The following ITSN1 variants were observed in gnomAD, a reference collection of about 807,000 sequenced individuals.
ITSN1 encodes the protein intersectin 1, also known as intersectin-1.
Under a neutral mutation model 239.8 loss-of-function variants are expected in ITSN1, and 58 were observed. The ratio of observed to expected loss-of-function variants is 0.24; its 90% CI spans 0.20 to 0.30. The LOEUF (loss-of-function observed/expected upper bound fraction) is 0.30. Ranked by LOEUF, ITSN1 falls within the 10% of genes least tolerant of loss-of-function variation. ITSN1 has a pLI of 1.00. For missense variants in ITSN1, 1,558 were observed against 2,103.3 expected (o/e 0.74, Z 5.07); for synonymous variants, 780 against 770.8 (o/e 1.01, Z -0.20).
intron 31 of ITSN1, among the ~76,000 whole-genome samples, chr21:33,859,557 G>T (rs886365155): frequency 6.6e-6 from 1 of 151,828 alleles, no homozygotes; most frequent in African/African-American, 2.4e-5. Flanking sequence ...TTCCCTGCTG[G>T]GAGGAAGGGC....
chr21:33,850,816 G>T (rs1978291726), intron 29 of ITSN1, among the ~76,000 whole-genome samples: 1 of 152,210 alleles, frequency 6.6e-6, no homozygotes, highest in Admixed American at 6.5e-5. Context: ...GGCCCAGGGT[G>T]TTGAAGGGAG....
chr21:33,719,632 C>T (rs2065368329), intron 2 of ITSN1, among the ~76,000 whole-genome samples: 1 of 152,136 alleles, frequency 6.6e-6, no homozygotes, highest in Non-Finnish European at 1.5e-5. Flanking sequence ...TCCCAAGTCT[C>T]TTAGTGAATT....
chr21:33,821,696 C>T (rs2073686556), intron 24 of ITSN1, among the ~76,000 whole-genome samples: 1 of 152,178 alleles, frequency 6.6e-6, no homozygotes. Context: ...ATATTTTATA[C>T]TGCAATACCA....
intron 29 of ITSN1, among the ~76,000 whole-genome samples, chr21:33,854,229 A>T (rs1008132946): frequency 6.6e-6 from 1 of 152,198 alleles, no homozygotes; most frequent in Admixed American, 6.5e-5. Flanking sequence ...ACATTCAGAA[A>T]ACTGGTCCAG....
chr21:33,834,430 G>A lies in ITSN1; in HGVS notation c.3469+6G>A. The A allele has an allele frequency of 6.3e-7, 1 of 1,589,366 alleles. No homozygotes were observed. Among genetic ancestry groups the A allele is most frequent in the Non-Finnish European group, 8.6e-7 (1 of 1,160,422 alleles). ...GTCAACAGCATTAGCGGCAGGTAAG[G>A]AGTTTCGCATCTCTAACTGGAAGAT... On this transcript the variant is annotated splice_donor_region_variant and intron_variant, in intron 28 of 39. Coordinates refer to ENST00000381318, the MANE Select transcript of ITSN1 (RefSeq NM_003024.3).
intron 7 of ITSN1, among the ~76,000 whole-genome samples, chr21:33,754,028 C>T (rs950992150): frequency 1.3e-5 from 2 of 151,890 alleles, no homozygotes; most frequent in African/African-American, 4.8e-5. Flanking sequence ...TTTAAATTCT[C>T]AGGAATTTGG....
chr21:33,882,545 C>G lies in ITSN1; in HGVS notation c.4554+90C>G. On this transcript the variant is annotated intron_variant, in intron 35 of 39. Transcript: ENST00000381318. This position sits in a 1 kb window ranked among gnomAD's most constrained non-coding sequence, Gnocchi z 4.5. ...AAAGGAGGTAGAGTTTTAGCAGGGT[C>G]AGGGGCTGTGGCATGCAGGAGAAGG... 2 of 1,122,670 alleles carry G rather than the reference C, an allele frequency of 1.8e-6. No homozygotes were observed. Among genetic ancestry groups the G allele is most frequent in the Non-Finnish European group, 2.6e-6 (2 of 778,712 alleles). The allele number at this position is 1,122,670 out of a possible 1,614,324, so 69.5% of individuals were successfully genotyped here.
intron 29 of ITSN1, among the ~76,000 whole-genome samples, chr21:33,841,638 C>G (rs887785168): frequency 2.6e-5 from 4 of 152,216 alleles, no homozygotes; most frequent in African/African-American, 9.7e-5. Context: ...TGAGCCAAGT[C>G]TCCACTCCAG....
chr21:33,732,332 A>G (rs922229404), intron 4 of ITSN1, among the ~76,000 whole-genome samples: 11 of 152,176 alleles, frequency 7.2e-5, no homozygotes, highest in African/African-American at 1.9e-4. Flanking sequence ...ATAATGAGGC[A>G]TGTCTGACTT....
At chr21:33,858,339 G>A (rs957153235) in intron 30 of ITSN1, among the ~76,000 whole-genome samples, 1 of 152,230 alleles carries the variant, frequency 6.6e-6, no homozygotes, top group Non-Finnish European at 1.5e-5. Flanking sequence ...TTTTCACACC[G>A]GTCCAGCCCC....
chr21:33,676,379 A>G (rs1188439963), intron 1 of ITSN1, among the ~76,000 whole-genome samples: 2 of 151,922 alleles, frequency 1.3e-5, no homozygotes, highest in African/African-American at 2.4e-5. Context: ...ATTTTCTTCT[A>G]CAACACTTTC....
At chr21:33,702,113 T>TGAAG (rs772482560) in intron 1 of ITSN1, among the ~76,000 whole-genome samples, 1 of 142,696 alleles carries the variant, frequency 7.0e-6, no homozygotes, top group Non-Finnish European at 1.5e-5. Context: ...TTTTTTTTTT[T>TGAAG]TTTTTTTTTT....
At chr21:33,857,360 C>T (rs1403039188) in intron 30 of ITSN1, among the ~76,000 whole-genome samples, 1 of 152,224 alleles carries the variant, frequency 6.6e-6, no homozygotes, top group Admixed American at 6.5e-5. Context: ...AAGCCCCTGA[C>T]CTGAGTGATG....
At position 33,865,514 on chromosome 21, in the gene ITSN1, G is replaced by C. The variant is rs535363335; in HGVS notation, c.4074+180G>C. 2.0e-4 allele frequency among the ~76,000 whole-genome samples: 31 copies of C among 152,258 alleles called. No individual in the cohort carries two copies. The highest frequency in any genetic ancestry group is 4.0e-4 in the Non-Finnish European group (27 of 68,050). Reference sequence around the variant, plus strand: ...CTGGCAAGTGTGGCTGTCACCAAAGGGGTGGGCTTGGAGAGGAGGGGTGAA... The same window carrying C: ...CTGGCAAGTGTGGCTGTCACCAAAGCGGTGGGCTTGGAGAGGAGGGGTGAA... On this transcript the variant is annotated intron_variant, in intron 32 of 39. Coordinates refer to ENST00000381318, the MANE Select transcript of ITSN1 (RefSeq NM_003024.3). The surrounding 1 kb of genome is among the most constrained non-coding windows in gnomAD (Gnocchi z 4.4).
intron 34 of ITSN1, among the ~76,000 whole-genome samples, chr21:33,880,372 C>T (rs143245661): frequency 9.7e-4 from 147 of 152,238 alleles, no homozygotes; most frequent in African/African-American, 3.3e-3. Flanking sequence ...GGATTATTTG[C>T]GCCCACGTGG....
At chr21:33,670,019 A>C (rs76890435) in intron 1 of ITSN1, among the ~76,000 whole-genome samples, 6,737 of 151,844 alleles carry the variant, frequency 0.044, 501 homozygotes, top group African/African-American at 0.16. Flanking sequence ...GCCAGTTTTG[A>C]CCTCTCCATA....
chr21:33,654,343 G>A (rs2088844217), intron 1 of ITSN1, among the ~76,000 whole-genome samples: 1 of 151,374 alleles, frequency 6.6e-6, no homozygotes, highest in African/African-American at 2.4e-5. Flanking sequence ...GGCATGAACC[G>A]CTGCACCTGG....
intron 1 of ITSN1, among the ~76,000 whole-genome samples, chr21:33,707,459 AC>A: frequency 6.6e-6 from 1 of 152,170 alleles, no homozygotes; most frequent in East Asian, 1.9e-4. Context: ...GTTAGTTTTG[AC>A]ATGAGCATAT....
rs142590075 is a variant in ITSN1, at chr21:33,859,033, G to C, written c.3890+241G>C. Among the ~76,000 whole-genome samples the C allele has an allele frequency of 9.9e-5, 15 of 152,270 alleles. No homozygotes were observed. In the East Asian group the frequency reaches 2.1e-3, roughly 22 times the overall value. ...CCTGGGCACCCCAGAGCCTGCTGTT[G>C]GGTGAATTACTGTGGTTGTGAATTT... is the stretch of plus-strand genomic sequence containing the variant. On this transcript the variant is annotated intron_variant, in intron 31 of 39. Coordinates refer to ENST00000381318, the MANE Select transcript of ITSN1 (RefSeq NM_003024.3).
Sources: allele counts gnomAD v4.1 joint callset (sites outside exome capture counted in the v4.1 genomes callset), GRCh38; gene constraint gnomAD v4.1.1; non-coding constraint Gnocchi (gnomAD v3.1); transcripts MANE v1.5; gene names NCBI Gene and HGNC (gene_info 2026-07-23, HGNC 2026-07-21).